Variants in KNTC1 observed in about 807,000 individuals in gnomAD.
KNTC1 encodes kinetochore associated 1, also known as kinetochore-associated protein 1.
A neutral mutation model predicts 314.4 loss-of-function variants in KNTC1; 253 were observed. The ratio of observed to expected loss-of-function variants is 0.80; its 90% CI spans 0.73 to 0.89. The LOEUF is 0.89. KNTC1 is among the 40% of genes least tolerant of loss of function. KNTC1 has a pLI of 0.00. For missense variants in KNTC1, 2,475 were observed against 2,572.9 expected, an observed-to-expected ratio of 0.96 and a Z score of 0.82; for synonymous variants, 901 against 901.4, an observed-to-expected ratio of 1.00 and a Z score of 0.01.
At chr12:122,568,904 A>C (rs1964509554) in intron 21 of KNTC1, among the ~76,000 whole-genome samples, 1 of 152,204 alleles carries the variant, frequency 6.6e-6, no homozygotes, top group African/African-American at 2.4e-5. Flanking sequence ...AATCAGAAGA[A>C]GTACAGTGAA....
At chr12:122,579,577 CTTCTA>C (rs147450074) in intron 31 of KNTC1, among the ~76,000 whole-genome samples, 5,147 of 151,962 alleles carry the variant, frequency 0.034, 312 homozygotes, top group African/African-American at 0.12. Context: ...ATTTTTTAGA[CTTCTA>C]TTCTTTTTAA....
intron 1 of KNTC1, 27 bp from the exon 2 acceptor site, chr12:122,529,964 C>T: frequency 3.9e-6 from 5 of 1,286,754 alleles, no homozygotes; most frequent in Admixed American, 5.7e-5. Flanking sequence ...TTATCATTTC[C>T]CAAGGAACCA....
rs769067550 is a variant in KNTC1, at chr12:122,557,700, T to G, written c.1488+11T>G. On this transcript the variant is annotated intron_variant, in intron 18 of 63. Coordinates refer to ENST00000333479, the MANE Select transcript of KNTC1 (RefSeq NM_014708.6). ...TATGCCAAAACCAGGGTAGGTTCGT[T>G]TTTTTGTATTTTGTTTTTTTGGGGC... 29 of 1,601,560 alleles carry G rather than the reference T, an allele frequency of 1.8e-5. No homozygotes were observed. In the Admixed American group the frequency reaches 5.0e-4, roughly 27 times the overall value.
Position 122,605,139 on chromosome 12 carries a change from C to G in KNTC1, c.5386+52C>G, listed in dbSNP as rs139233141. The stretch of plus-strand genomic sequence containing the variant: ...TCCAAGAAAAGCTATTATTTTGATT[C>G]TCAGTTTTATGTATATATGTACGTG... On this transcript the variant is annotated intron_variant, in intron 50 of 63. Coordinates refer to ENST00000333479, the MANE Select transcript of KNTC1 (RefSeq NM_014708.6). The G allele has an allele frequency of 3.4e-6, 5 of 1,483,396 alleles. No homozygotes were observed. The African/African-American group carries it at 7.0e-5, about 21-fold the overall frequency. 91.9% of individuals were successfully genotyped at this position (1,483,396 alleles called of 1,614,324 possible).
chr12:122,528,320 C>T (rs1047118999), intron 1 of KNTC1, among the ~76,000 whole-genome samples: 3 of 152,200 alleles, frequency 2.0e-5, no homozygotes, highest in Non-Finnish European at 4.4e-5. Context: ...TTTCTGTTCC[C>T]TTGCTTATGC....
intron 16 of KNTC1, among the ~76,000 whole-genome samples, chr12:122,556,619 C>T (rs1344392047): frequency 6.6e-6 from 1 of 151,514 alleles, no homozygotes; most frequent in African/African-American, 2.4e-5. Context: ...ATTACAGGCG[C>T]CCACTAACAT....
At chr12:122,624,182 A>G (rs1285722699) in intron 62 of KNTC1, among the ~76,000 whole-genome samples, 1 of 152,202 alleles carries the variant, frequency 6.6e-6, no homozygotes. Flanking sequence ...ATATGCCCCA[A>G]ATTGGAATTA....
At chr12:122,554,076 A>AAAAATATATATATATATAT (rs370146333) in intron 16 of KNTC1, among the ~76,000 whole-genome samples, 56 of 109,036 alleles carry the variant, frequency 5.1e-4, no homozygotes, top group African/African-American at 1.8e-3. Context: ...AAAAAAAAAA[A>AAAAATATATATATATATAT]ATATATATAT....
chr12:122,556,102 T>C (rs2137809631), intron 16 of KNTC1, among the ~76,000 whole-genome samples: 1 of 152,044 alleles, frequency 6.6e-6, no homozygotes, highest in African/African-American at 2.4e-5. Context: ...AACCTCCACC[T>C]ACCTCCCAGG....
At chr12:122,564,035 C>T (rs1002431783) in intron 20 of KNTC1, among the ~76,000 whole-genome samples, 26 of 152,138 alleles carry the variant, frequency 1.7e-4, no homozygotes, top group African/African-American at 5.8e-4. Flanking sequence ...TGGAGTCCAG[C>T]GATGCTATCT....
intron 3 of KNTC1, among the ~76,000 whole-genome samples, chr12:122,537,851 C>T (rs1961964520): frequency 6.6e-6 from 1 of 152,010 alleles, no homozygotes; most frequent in Non-Finnish European, 1.5e-5. Context: ...ATTTCTTGAC[C>T]AGCTGCATGC....
chr12:122,567,196 G>C (rs372399797), intron 20 of KNTC1, among the ~76,000 whole-genome samples: 1 of 151,554 alleles, frequency 6.6e-6, no homozygotes, highest in Non-Finnish European at 1.5e-5. Flanking sequence ...TCAGCCTCCC[G>C]AGTAGCTGGG....
chr12:122,572,855 T>C (rs1964785638), intron 24 of KNTC1, 82 bp from the exon 25 acceptor site: 3 of 1,167,710 alleles, frequency 2.6e-6, no homozygotes, highest in Non-Finnish European at 3.6e-6. Context: ...TTAATTCTTA[T>C]TTTATCTGAA....
rs115270786 is a variant in KNTC1 at position 122,611,022 on chromosome 12, A to G, written c.5622+122A>G. 1,911 of 710,650 alleles carry G rather than the reference A, an allele frequency of 2.7e-3. 26 individuals are homozygous for G. The African/African-American group carries it at 0.03, about 11-fold the overall frequency. 44.0% of individuals were successfully genotyped at this position (710,650 alleles called of 1,614,324 possible). On this transcript the variant is annotated intron_variant, in intron 53 of 63. Coordinates refer to ENST00000333479, the MANE Select transcript of KNTC1 (RefSeq NM_014708.6). ...TCAGATAATGCTCACGTACATATGT[A>G]TTCAAAGTCTGTCTCATCTCCTAAG...
chr12:122,582,568 C>A, intron 33 of KNTC1, 137 bp from the exon 34 acceptor site: 4 of 728,062 alleles, frequency 5.5e-6, no homozygotes, highest in Non-Finnish European at 8.7e-6. Context: ...ACAATATACC[C>A]AGGTGAGAAG....
In KNTC1 at chr12:122,615,478, T is replaced by TAAA; in HGVS notation, c.5982_5983insAAA (p.Tyr1994_Leu1995insLys). The TAAA allele has an allele frequency of 6.6e-7, 1 of 1,523,356 alleles. No individual in the cohort carries two copies. 94.4% of individuals were successfully genotyped at this position (1,523,356 alleles called of 1,614,324 possible). A position where few individuals can be genotyped will look rare whatever the true frequency, so the allele number is the denominator to read the frequency against. ...TTTTTAATTTTTTACAGATTCCTTA[T>TAAA]CTAAGGAAAGTTTTAAAAGCCATCT... On this transcript the variant is annotated inframe_insertion, in exon 57 of 64. Transcript: ENST00000333479.
chr12:122,568,536 A>G (rs1964488173), intron 21 of KNTC1, among the ~76,000 whole-genome samples, 164 bp downstream of exon 21: 2 of 152,188 alleles, frequency 1.3e-5, no homozygotes, highest in South Asian at 2.1e-4. Context: ...GCAAGGGGAT[A>G]AAAAAGACTT....
intron 6 of KNTC1, 31 bp from the exon 7 acceptor site, chr12:122,543,569 T>C (rs776227090): frequency 4.8e-6 from 7 of 1,468,766 alleles, no homozygotes; most frequent in Non-Finnish European, 6.5e-6. Flanking sequence ...ATTAATACTA[T>C]ACATTTAGCC....
chr12:122,593,999 C>T (rs1870685310), intron 42 of KNTC1: 1 of 380,122 alleles, frequency 2.6e-6, no homozygotes, highest in East Asian at 4.8e-5. Flanking sequence ...AAGCTTAATT[C>T]TTCTGCAGTA....
Sources: allele counts gnomAD v4.1 joint callset (sites outside exome capture counted in the v4.1 genomes callset), GRCh38; gene constraint gnomAD v4.1.1; transcripts MANE v1.5; gene names NCBI Gene and HGNC (gene_info 2026-07-23, HGNC 2026-07-21).